The following ACAD11 variants were observed in gnomAD, a reference collection of about 807,000 sequenced individuals.
ACAD11 encodes the protein acyl-Coenzyme A dehydrogenase family, member 11.
In ACAD11, 83 loss-of-function variants were observed where a neutral mutation model predicts 102.2. The ratio of observed to expected loss-of-function variants is 0.81; its 90% CI spans 0.68 to 0.97. ACAD11 has a LOEUF of 0.97. Among genes scored for constraint, ACAD11 ranks in the 50% least tolerant of loss-of-function variants. The pLI, the probability that ACAD11 is intolerant of heterozygous loss-of-function variation, is 0.00. For synonymous variants in ACAD11, 324 were observed against 319.8 expected (o/e 1.01, Z -0.14); for missense variants, 901 against 951.7 (o/e 0.95, Z 0.70).
intron 1 of ACAD11, among the ~76,000 whole-genome samples, chr3:132,651,825 T>A (rs980379226): frequency 6.6e-6 from 1 of 152,184 alleles, no homozygotes; most frequent in African/African-American, 2.4e-5. Flanking sequence ...TTTCTCTCAT[T>A]TGGAACAGGT....
Position 132,618,624 on chromosome 3 carries a change from A to G in ACAD11, c.1414+10T>C. 1.3e-6 allele frequency: 2 copies of G among 1,553,092 alleles called. No individual in the cohort carries two copies. Among genetic ancestry groups the G allele is most frequent in the East Asian group, 2.4e-5 (1 of 41,664 alleles). On this transcript the variant is annotated intron_variant, in intron 11 of 19. Coordinates refer to ENST00000264990, the MANE Select transcript of ACAD11 (RefSeq NM_032169.5). The stretch of plus-strand genomic sequence containing the variant: ...TTAGAAAAAATTATGTTTTCAATTA[A>G]TGTAGTAACCTGGTGCTTGGCAGTT...
At position 132,642,019 on chromosome 3, in the gene ACAD11, G is replaced by GTGAC; in HGVS notation, c.486_489dup (p.Leu164ValfsTer50). The GTGAC allele has an allele frequency of 6.2e-7, 1 of 1,613,980 alleles. No individual in the cohort carries two copies. The highest frequency in any genetic ancestry group is 8.5e-7 in the Non-Finnish European group (1 of 1,179,916). ...CCTATACCATATCCTTCCAGCTGCA[G>GTGAC]TGACTGTATATTCAAGGAATGTAAC... On this transcript the variant is annotated frameshift_variant, in exon 4 of 20. Coordinates refer to ENST00000264990, the MANE Select transcript of ACAD11 (RefSeq NM_032169.5). LOFTEE classifies it high-confidence loss of function.
At chr3:132,631,562 CA>C in intron 5 of ACAD11, 83 bp from the exon 6 acceptor site, 1 of 1,078,056 alleles carries the variant, frequency 9.3e-7, no homozygotes, top group Non-Finnish European at 1.2e-6. Context: ...TGAACACATT[CA>C]AAATCATGTT....
At position 132,558,784 on chromosome 3, in the gene ACAD11, C is replaced by G; in HGVS notation, c.*187G>C. ...AACAGCTACAGCATTTCTTACTGAA[C>G]TTAACCCTGTGTGACCCTTGAAATA... On this transcript the variant is annotated 3_prime_UTR_variant, in exon 20 of 20. Coordinates refer to ENST00000264990, the MANE Select transcript of ACAD11 (RefSeq NM_032169.5). The G allele has an allele frequency of 1.8e-6, 1 of 548,658 alleles. No individual in the cohort carries two copies. Among genetic ancestry groups the G allele is most frequent in the Non-Finnish European group, 3.2e-6 (1 of 314,652 alleles). The allele number at this position is 548,658 out of a possible 1,614,324, so 34.0% of individuals were successfully genotyped here. A position where few individuals can be genotyped will look rare whatever the true frequency, so the allele number is the denominator to read the frequency against.
rs1937515925 is a variant in ACAD11, at chr3:132,575,879, T to C, written c.1894A>G (p.Arg632Gly). 1 of 1,614,106 alleles carries C rather than the reference T, an allele frequency of 6.2e-7. No individual in the cohort carries two copies. The highest frequency in any genetic ancestry group is 1.7e-5 in the Admixed American group (1 of 60,022). ...ACTGTTCTCATACAGTGGTGGATTC[T>C]GCCAGGTCCAAGGCGGCCTTGGGAA... ...EISQGRLGPG[R>G]IHHCMRTVGL... The change falls in exon 17 of 20, where the codon AGA (arginine) becomes GGA (glycine). Residue 632 changes from arginine (R) to glycine (G), a missense_variant. By Grantham distance (125) the Arg-to-Gly change is moderately radical (BLOSUM62 -2). Coordinates refer to ENST00000264990, the MANE Select transcript of ACAD11 (RefSeq NM_032169.5).
chr3:132,609,508 T>G (rs1337093441), intron 11 of ACAD11, among the ~76,000 whole-genome samples: 1 of 152,138 alleles, frequency 6.6e-6, no homozygotes, highest in South Asian at 2.1e-4. Context: ...AAACACCCTA[T>G]GCAAATAAAC....
intron 13 of ACAD11, among the ~76,000 whole-genome samples, chr3:132,599,521 T>C (rs1480305353): frequency 2.0e-5 from 3 of 151,620 alleles, no homozygotes; most frequent in African/African-American, 7.3e-5. Flanking sequence ...AAAAATTAAA[T>C]ATTAAATATT....
rs1939845923 is a variant in ACAD11 at position 132,627,051 on chromosome 3, C to G, written c.1071-234G>C. 15 of 344,790 alleles carry G rather than the reference C, an allele frequency of 4.4e-5. No homozygotes were observed. The South Asian group carries it at 5.9e-4, about 14-fold the overall frequency. 21.4% of individuals were successfully genotyped at this position (344,790 alleles called of 1,614,324 possible). The stretch of plus-strand genomic sequence containing the variant: ...GCACTATTTGGGGAAAACATATAGG[C>G]CTGGCATCACCTCAAGCAATGTTAG... On this transcript the variant is annotated intron_variant, in intron 8 of 19. Transcript: ENST00000264990.
intron 13 of ACAD11, 41 bp downstream of exon 13, chr3:132,603,188 G>A (rs376987794): frequency 4.1e-5 from 59 of 1,428,204 alleles, no homozygotes; most frequent in Non-Finnish European, 5.8e-5. Flanking sequence ...CTGGAACAAA[G>A]GATCAGTGTG....
rs1216858319 is a variant in ACAD11 at position 132,603,296 on chromosome 3, A to G, written c.1554T>C (p.Asn518=). Residue 518 remains asparagine (N), a synonymous_variant, in exon 13 of 20, where the codon AAT becomes AAC. Transcript: ENST00000264990. ...EPDVASSDAT[N]IECSIQRDED... is the part of the protein sequence containing the mutation. ...CATCTCGTTGGATGCTGCATTCAAT[A>G]TTCGTGGCATCACTTGAAGCTACAT... 6.2e-7 allele frequency: 1 copy of G among 1,614,102 alleles called. No individual in the cohort carries two copies. Among genetic ancestry groups the G allele is most frequent in the Middle Eastern group, 1.7e-4 (1 of 6,060 alleles).
In ACAD11 at chr3:132,610,471, G is replaced by T. The variant is rs148300167; in HGVS notation, c.1415-5266C>A. 1.0e-3 allele frequency among the ~76,000 whole-genome samples: 159 copies of T among 152,030 alleles called. 1 individual carries two copies. In the East Asian group the frequency reaches 0.028, roughly 27 times the overall value. On this transcript the variant is annotated intron_variant, in intron 11 of 19. Transcript: ENST00000264990. ...AAAAGATCAACAAAATTGATAGACC[G>T]CTAGCAAGATTAATAAAGAAGAAAA... is the stretch of plus-strand genomic sequence containing the variant.
At chr3:132,578,727 C>T in intron 15 of ACAD11, 69 bp downstream of exon 15, 1 of 1,510,168 alleles carries the variant, frequency 6.6e-7, no homozygotes, top group Non-Finnish European at 9.1e-7. Flanking sequence ...AATGCTATTG[C>T]CTTCAATGTT....
chr3:132,598,228 C>T (rs1177956115), intron 13 of ACAD11, among the ~76,000 whole-genome samples: 1 of 152,098 alleles, frequency 6.6e-6, no homozygotes, highest in African/African-American at 2.4e-5. Context: ...ATAATAAAAA[C>T]ACTGAAAGTC....
intron 5 of ACAD11, among the ~76,000 whole-genome samples, chr3:132,637,956 G>A (rs1254812227): frequency 6.6e-6 from 1 of 152,126 alleles, no homozygotes. Flanking sequence ...TTACAGAAAT[G>A]TACAATTATG....
intron 13 of ACAD11, among the ~76,000 whole-genome samples, chr3:132,595,574 C>A (rs541081819): frequency 2.0e-5 from 3 of 152,016 alleles, no homozygotes; most frequent in Non-Finnish European, 4.4e-5. Flanking sequence ...GTCTAATATC[C>A]AGCATCTATA....
In ACAD11 at chr3:132,619,510, T is replaced by G; in HGVS notation, c.1233A>C (p.Ser411=). The G allele has an allele frequency of 6.3e-7, 1 of 1,593,466 alleles. No individual in the cohort carries two copies. Among genetic ancestry groups the G allele is most frequent in the African/African-American group, 1.3e-5 (1 of 74,122 alleles). ...VTEFYVQNEN[S]VDKWGKPLVI... ...CTAAAGGTTTTCCCCACTTGTCCAC[T>G]GAATTTTCATTTTGAACATAGAACT... The change falls in exon 10 of 20, where the codon TCA becomes TCC. Residue 411 remains serine, a synonymous_variant. Transcript: ENST00000264990.
intron 11 of ACAD11, among the ~76,000 whole-genome samples, chr3:132,611,449 T>C (rs1277036535): frequency 1.3e-5 from 2 of 152,262 alleles, no homozygotes; most frequent in South Asian, 2.1e-4. Context: ...TGTTTGCAGA[T>C]GACATGAGTA....
chr3:132,606,186 C>T (rs969384704), intron 11 of ACAD11, among the ~76,000 whole-genome samples: 7 of 152,168 alleles, frequency 4.6e-5, no homozygotes, highest in African/African-American at 1.7e-4. Context: ...AGGTTAGTTA[C>T]TGAAATGCTT....
Position 132,558,599 on chromosome 3 carries a change from C to T in ACAD11, c.*372G>A, listed in dbSNP as rs1339172938. On this transcript the variant is annotated 3_prime_UTR_variant, in exon 20 of 20. Transcript: ENST00000264990. Reference sequence around the variant, plus strand: ...TACTGTAACCTCAAACTCCTAGACTCAAGCAATCCTCCTGCCTCAGCCTCC... The same window carrying T: ...TACTGTAACCTCAAACTCCTAGACTTAAGCAATCCTCCTGCCTCAGCCTCC... The T allele has an allele frequency of 5.8e-6, 1 of 171,206 alleles. No individual in the cohort carries two copies. The highest frequency in any genetic ancestry group is 1.8e-4 in the East Asian group (1 of 5,644). 10.6% of individuals were successfully genotyped at this position (171,206 alleles called of 1,614,324 possible). A position where few individuals can be genotyped will look rare whatever the true frequency, so the allele number is the denominator to read the frequency against.
Sources: allele counts gnomAD v4.1 joint callset (sites outside exome capture counted in the v4.1 genomes callset), GRCh38; gene constraint gnomAD v4.1.1; transcripts MANE v1.5; gene names NCBI Gene and HGNC (gene_info 2026-07-23, HGNC 2026-07-21).